SMC5: variants seen among roughly 807,000 people sequenced by gnomAD.
The protein encoded by SMC5 is structural maintenance of chromosomes 5.
In SMC5, 88 loss-of-function variants were observed where a neutral mutation model predicts 148.3. That is an observed-to-expected ratio of 0.59 (90% CI 0.50 to 0.71). SMC5 has a LOEUF of 0.71. Ranked by LOEUF, SMC5 falls within the 30% of genes least tolerant of loss-of-function variation. The pLI, the probability that SMC5 is intolerant of heterozygous loss-of-function variation, is 0.00. For missense variants in SMC5, 1,142 were observed against 1,298.9 expected, an observed-to-expected ratio of 0.88 and a Z score of 1.86; for synonymous variants, 421 against 432.8, an observed-to-expected ratio of 0.97 and a Z score of 0.34.
At position 70,347,668 on chromosome 9, in the gene SMC5, TA is replaced by T; in HGVS notation, c.2723del (p.Lys908ArgfsTer7). 6.3e-7 allele frequency: 1 copy of T among 1,588,484 alleles called. No homozygotes were observed. Among genetic ancestry groups the T allele is most frequent in the African/African-American group, 1.4e-5 (1 of 73,568 alleles). On this transcript the variant is annotated frameshift_variant, in exon 21 of 25. Coordinates refer to ENST00000361138, the MANE Select transcript of SMC5 (RefSeq NM_015110.4). LOFTEE classifies it high-confidence loss of function. Reference protein sequence around the residue: ...EEEIEQLTEELKGKKVELDQY... With the variant: ...EEEIEQLTEEXKGKKVELDQY... The stretch of plus-strand genomic sequence containing the variant: ...GAAATAGAACAGTTAACTGAGGAAC[TA>T]AAGGGAAAGAAAGTTGAACTAGATC...
chr9:70,344,205 T>A lies in SMC5; in HGVS notation c.2459T>A (p.Met820Lys). 6.4e-7 allele frequency: 1 copy of A among 1,562,184 alleles called. No homozygotes were observed. The highest frequency in any genetic ancestry group is 8.7e-7 in the Non-Finnish European group (1 of 1,152,532). The change falls in exon 18 of 25, where the codon ATG (methionine) becomes AAG (lysine). Residue 820 changes from methionine to lysine, a missense_variant. Met to Lys is a moderately conservative substitution (Grantham distance 95). Around this residue, in one of 5 missense-constraint regions of SMC5, gnomAD observed 743 missense variants for 835.7 expected, o/e 0.89. Transcript: ENST00000361138. ...QRLLQKCKEL[M>K]KRARQVCNLG... ...TTATTGCAGAAATGCAAGGAACTTA[T>A]GAAAAGAGCTAGGCAAGTATGTAAC...
Position 70,289,909 on chromosome 9 carries a change from A to G in SMC5, c.1053+3638A>G, listed in dbSNP as rs533143864. Among the ~76,000 whole-genome samples, 22 of 151,634 alleles carry G rather than the reference A, an allele frequency of 1.5e-4. 1 individual carries two copies. The highest frequency in any genetic ancestry group is 1.4e-3 in the Admixed American group (21 of 15,228). ...TTATTATTATTATTATTTTACTGCC[A>G]GTATTGACATGTTGGGTATCTCTAA... On this transcript the variant is annotated intron_variant, in intron 8 of 24. Coordinates refer to ENST00000361138, the MANE Select transcript of SMC5 (RefSeq NM_015110.4).
At chr9:70,291,176 A>T (rs1281263407) in intron 8 of SMC5, among the ~76,000 whole-genome samples, 3 of 152,144 alleles carry the variant, frequency 2.0e-5, no homozygotes, top group African/African-American at 7.2e-5. Flanking sequence ...TATTGAAGTC[A>T]CTACTAGGTT....
chr9:70,310,417 TC>T (rs2035626692), intron 11 of SMC5, among the ~76,000 whole-genome samples: 1 of 152,168 alleles, frequency 6.6e-6, no homozygotes, highest in Non-Finnish European at 1.5e-5. Flanking sequence ...GTCTTTTTTT[TC>T]TGAGGAGTAG....
chr9:70,312,691 A>G (rs1050624327), intron 11 of SMC5, among the ~76,000 whole-genome samples: 1 of 152,176 alleles, frequency 6.6e-6, no homozygotes, highest in Non-Finnish European at 1.5e-5. Context: ...AGATGATAAT[A>G]TGGGTTTTGC....
At chr9:70,285,739 A>G (rs537712875) in intron 7 of SMC5, among the ~76,000 whole-genome samples, 1 of 152,304 alleles carries the variant, frequency 6.6e-6, no homozygotes, top group Non-Finnish European at 1.5e-5. Context: ...TGTCTATAAT[A>G]TGTCATGTAT....
intron 15 of SMC5, among the ~76,000 whole-genome samples, chr9:70,322,089 TTTG>T (rs2035962457): frequency 6.6e-6 from 1 of 152,246 alleles, no homozygotes; most frequent in Non-Finnish European, 1.5e-5. Context: ...AGATTTGTTC[TTTG>T]TTGTTTATGT....
rs1225197913 is a variant in SMC5 at position 70,347,905 on chromosome 9, G to A, written c.2770-14G>A. The A allele has an allele frequency of 6.4e-7, 1 of 1,565,356 alleles. No homozygotes were observed. The highest frequency in any genetic ancestry group is 1.4e-5 in the African/African-American group (1 of 72,468). ...TGCTTTTAAATTGTGTTTTTATATT[G>A]CCTTTATTTGTAGGTAAAAGAAAGG... On this transcript the variant is annotated splice_polypyrimidine_tract_variant and intron_variant, in intron 21 of 24. Transcript: ENST00000361138.
rs183362604 is a variant in SMC5, at chr9:70,278,062, A to G, written c.544-429A>G. On this transcript the variant is annotated intron_variant, in intron 4 of 24. Transcript: ENST00000361138. Reference sequence around the variant, plus strand: ...TGAGCAAATTAAATAAAACTTAAACATTTTTAAAAGCTTTTTATTTATTTT... The same window carrying G: ...TGAGCAAATTAAATAAAACTTAAACGTTTTTAAAAGCTTTTTATTTATTTT... Among the ~76,000 whole-genome samples, 9 of 152,200 alleles carry G rather than the reference A, an allele frequency of 5.9e-5. No homozygotes were observed. The East Asian group carries it at 1.7e-3, about 29-fold the overall frequency.
rs146927632 is a variant in SMC5 at position 70,263,842 on chromosome 9, A to T, written c.186-462A>T. 3.8e-3 allele frequency among the ~76,000 whole-genome samples: 579 copies of T among 152,360 alleles called. 7 individuals are homozygous for T. The highest frequency in any genetic ancestry group is 0.013 in the African/African-American group (556 of 41,592). ...AACCTTTGGGTTGAGATATATCTTC[A>T]GTTTTGTAATTAAAAATCTGCTTAG... is the stretch of plus-strand genomic sequence containing the variant. On this transcript the variant is annotated intron_variant, in intron 1 of 24. Transcript: ENST00000361138.
Position 70,352,154 on chromosome 9 carries a change from A to G in SMC5, c.3166-37A>G, listed in dbSNP as rs552253120. On this transcript the variant is annotated intron_variant, in intron 24 of 24. Coordinates refer to ENST00000361138, the MANE Select transcript of SMC5 (RefSeq NM_015110.4). ...AGGTTGGAAAACTATACTTCTCAGT[A>G]TATAGCTTATATGACAATTTGTTTT... 5.8e-6 allele frequency: 9 copies of G among 1,557,030 alleles called. No individual in the cohort carries two copies. In the Admixed American group the frequency reaches 1.1e-4, roughly 19 times the overall value.
rs141280048 is a variant in SMC5, at chr9:70,344,499, G to A, written c.2523+230G>A. On this transcript the variant is annotated intron_variant, in intron 18 of 24. Coordinates refer to ENST00000361138, the MANE Select transcript of SMC5 (RefSeq NM_015110.4). ...CTTCCAATACAAATGCCTTTTAATG[G>A]GTACAGTTGGAACATATATAGTTTT... The A allele has an allele frequency of 6.9e-3, 1,295 of 187,964 alleles. 19 individuals carry two copies. Among genetic ancestry groups the A allele is most frequent in the African/African-American group, 0.029 (1,240 of 42,508 alleles). The allele number at this position is 187,964 out of a possible 1,614,324, so 11.6% of individuals were successfully genotyped here.
At chr9:70,312,361 C>G (rs1294936754) in intron 11 of SMC5, among the ~76,000 whole-genome samples, 1 of 152,118 alleles carries the variant, frequency 6.6e-6, no homozygotes, top group Non-Finnish European at 1.5e-5. Flanking sequence ...TATCACGAAA[C>G]AGCATGGGGG....
intron 3 of SMC5, among the ~76,000 whole-genome samples, chr9:70,269,133 G>A (rs990533806): frequency 5.9e-5 from 9 of 152,114 alleles, no homozygotes; most frequent in African/African-American, 2.2e-4. Context: ...TATTTATATA[G>A]AGATGAGAAA....
At chr9:70,265,994 T>C (rs1244564304) in intron 2 of SMC5, among the ~76,000 whole-genome samples, 4 of 152,116 alleles carry the variant, frequency 2.6e-5, no homozygotes, top group Non-Finnish European at 4.4e-5. Context: ...GAAGTTAAGC[T>C]TGAACTAATG....
intron 7 of SMC5, among the ~76,000 whole-genome samples, chr9:70,284,322 G>A (rs1468131899): frequency 6.6e-6 from 1 of 152,166 alleles, no homozygotes; most frequent in Non-Finnish European, 1.5e-5. Flanking sequence ...CATTTTAAAT[G>A]TTACGGGGAA....
At position 70,318,639 on chromosome 9, in the gene SMC5, T is replaced by C. The variant is rs753199808; in HGVS notation, c.1932T>C (p.Thr644=). 6.8e-6 allele frequency: 11 copies of C among 1,612,248 alleles called. No individual in the cohort carries two copies. The highest frequency in any genetic ancestry group is 9.3e-6 in the Non-Finnish European group (11 of 1,179,072). The change falls in exon 14 of 25, where the codon ACT becomes ACC. Residue 644 remains threonine (T), a synonymous_variant. Coordinates refer to ENST00000361138, the MANE Select transcript of SMC5 (RefSeq NM_015110.4). ...CTCTAAAAGTAGCGCAGTTTCTCACTGTCACTGTGGACCTAGAGCAGAGAA... is the reference window on the plus strand; with the variant it reads ...CTCTAAAAGTAGCGCAGTTTCTCACCGTCACTGTGGACCTAGAGCAGAGAA... ...NTSLKVAQFL[T]VTVDLEQRRH... is the part of the protein sequence containing the mutation.
At chr9:70,290,415 C>G (rs1167215152) in intron 8 of SMC5, among the ~76,000 whole-genome samples, 1 of 152,078 alleles carries the variant, frequency 6.6e-6, no homozygotes, top group Admixed American at 6.5e-5. Context: ...TCCTGTCACT[C>G]AGAAAATTCC....
chr9:70,274,625 A>G (rs953769418), intron 3 of SMC5, among the ~76,000 whole-genome samples: 1 of 151,902 alleles, frequency 6.6e-6, no homozygotes, highest in African/African-American at 2.4e-5. Context: ...ATATGTTTGA[A>G]CTTATTTTTC....
Sources: gnomAD v4.1 joint callset for allele counts (sites outside exome capture counted in the v4.1 genomes callset) on GRCh38, gnomAD v4.1.1 for gene constraint, gnomAD v4.1.1 regional missense constraint, MANE v1.5 for transcripts, NCBI Gene and HGNC (gene_info 2026-07-23, HGNC 2026-07-21) for gene names.